The following RYR3 variants were observed in gnomAD, a reference collection of about 807,000 sequenced individuals.
RYR3 encodes brain ryanodine receptor-calcium release channel.
Under a neutral mutation model 584.3 loss-of-function variants are expected in RYR3, and 207 were observed. The ratio of observed to expected loss-of-function variants is 0.35; its 90% CI spans 0.32 to 0.40. The LOEUF is 0.40. Among genes scored for constraint, RYR3 ranks in the 10% least tolerant of loss-of-function variants. RYR3 has a pLI of 1.00. For missense variants in RYR3, 5,616 were observed against 6,089.2 expected (o/e 0.92, Z 2.59); for synonymous variants, 2,416 against 2,248.5 (o/e 1.07, Z -2.11).
At chr15:33,561,721 AAACAAC>A (rs138646386) in intron 10 of RYR3, among the ~76,000 whole-genome samples, 1 of 150,652 alleles carries the variant, frequency 6.6e-6, no homozygotes, top group Non-Finnish European at 1.5e-5. Context: ...GCAAAACACA[AAACAAC>A]AACAACAACA....
intron 99 of RYR3, chr15:33,858,205 C>T (rs538913626): frequency 3.0e-6 from 1 of 328,486 alleles, no homozygotes. Flanking sequence ...AAAGATGAGA[C>T]ATTATTTTAT....
intron 99 of RYR3, among the ~76,000 whole-genome samples, chr15:33,859,336 C>G (rs1014815678): frequency 6.6e-6 from 1 of 152,208 alleles, no homozygotes; most frequent in Admixed American, 6.5e-5. Context: ...TTTAATGGGC[C>G]TAAAAATACC....
chr15:33,570,784 T>C (rs2057984687), intron 12 of RYR3, among the ~76,000 whole-genome samples: 1 of 152,178 alleles, frequency 6.6e-6, no homozygotes. Context: ...GTCTTGCACT[T>C]CTTTTATGAA....
At chr15:33,560,451 A>T (rs1595594038) in intron 10 of RYR3, among the ~76,000 whole-genome samples, 1 of 150,838 alleles carries the variant, frequency 6.6e-6, no homozygotes, top group Non-Finnish European at 1.5e-5. Context: ...AGATCTTTGT[A>T]TTTTTTTTTT....
intron 75 of RYR3, 51 bp downstream of exon 75, chr15:33,817,009 T>G: frequency 9.1e-7 from 1 of 1,101,594 alleles, no homozygotes; most frequent in Non-Finnish European, 1.4e-6. Flanking sequence ...GAATTTGATT[T>G]TCGAATTCAT....
rs1390110043 is a variant in RYR3 at position 33,560,051 on chromosome 15, A to AT, written c.973-2780dup. On this transcript the variant is annotated intron_variant, in intron 10 of 103. Transcript: ENST00000634891. ...GAAAGAGAATGATTGGATTAGCTCT[A>AT]TTTTTTAGAAAGTTTCCATTTCTAG... Among the ~76,000 whole-genome samples, 7 of 152,334 alleles carry AT rather than the reference A, an allele frequency of 4.6e-5. No homozygotes were observed. The East Asian group carries it at 1.2e-3, about 25-fold the overall frequency.
intron 1 of RYR3, among the ~76,000 whole-genome samples, chr15:33,392,201 A>G (rs1223153399): frequency 1.5e-4 from 1 of 6,838 alleles, no homozygotes; most frequent in Non-Finnish European, 2.5e-4. Context: ...TAAGCCCTCA[A>G]AAAAAAAAAA....
At chr15:33,848,826 C>CTTTTTTTTTTTTT (rs769204969) in intron 94 of RYR3, among the ~76,000 whole-genome samples, 1 of 75,252 alleles carries the variant, frequency 1.3e-5, no homozygotes, top group Non-Finnish European at 2.4e-5. Flanking sequence ...CTGAAGTCCT[C>CTTTTTTTTTTTTT]TTTTTTTTTT....
chr15:33,635,097 T>G (rs1258795320), intron 25 of RYR3, among the ~76,000 whole-genome samples: 1 of 152,150 alleles, frequency 6.6e-6, no homozygotes, highest in East Asian at 1.9e-4. Context: ...TAATCACATC[T>G]CCAAATTAAA....
intron 1 of RYR3, among the ~76,000 whole-genome samples, chr15:33,374,371 TG>T (rs2040567593): frequency 7.2e-6 from 1 of 139,024 alleles, no homozygotes; most frequent in Admixed American, 6.8e-5. Flanking sequence ...TGTATGTGTG[TG>T]TGTGTGTGTG....
intron 1 of RYR3, among the ~76,000 whole-genome samples, chr15:33,353,320 C>T (rs1438630333): frequency 6.6e-6 from 1 of 152,096 alleles, no homozygotes; most frequent in Non-Finnish European, 1.5e-5. Flanking sequence ...GGAGAGGTCA[C>T]CCTTGAAGGT....
chr15:33,858,694 G>A (rs902928340), intron 99 of RYR3: 1 of 152,440 alleles, frequency 6.6e-6, no homozygotes, highest in African/African-American at 2.4e-5. Context: ...GTGGGGAGGG[G>A]GAGTCCCGTC....
intron 37 of RYR3, among the ~76,000 whole-genome samples, chr15:33,669,839 T>TGTGG (rs2063710148): frequency 8.7e-5 from 1 of 11,436 alleles, no homozygotes; most frequent in East Asian, 2.0e-3. Context: ...GGGGTGTGTG[T>TGTGG]GTGTGGGGGG....
intron 43 of RYR3, among the ~76,000 whole-genome samples, chr15:33,708,893 A>T (rs1198221521): frequency 6.6e-6 from 1 of 152,060 alleles, no homozygotes; most frequent in Non-Finnish European, 1.5e-5. Flanking sequence ...CACAGGCTAA[A>T]CTAATTCCCA....
At chr15:33,402,299 A>G (rs2042731799) in intron 1 of RYR3, among the ~76,000 whole-genome samples, 1 of 152,212 alleles carries the variant, frequency 6.6e-6, no homozygotes, top group Non-Finnish European at 1.5e-5. Flanking sequence ...CTAACAATTT[A>G]CAGGTTACAG....
rs5811755 is a variant in RYR3, at chr15:33,391,625, C to CA, written c.51+80546dup. On this transcript the variant is annotated intron_variant, in intron 1 of 103. Transcript: ENST00000634891. ...TGGGCGACAGAGCGAGACTCTGTCT[C>CA]AAAAAAAAAAAAAAAAATTAAAATT... Among the ~76,000 whole-genome samples the CA allele has an allele frequency of 5.0e-3, 639 of 128,310 alleles. 3 individuals carry two copies. Among genetic ancestry groups the CA allele is most frequent in the African/African-American group, 0.012 (418 of 33,904 alleles). The allele number at this position is 128,310 out of a possible 152,430, so 84.2% of individuals were successfully genotyped here. A position where few individuals can be genotyped will look rare whatever the true frequency, so the allele number is the denominator to read the frequency against.
chr15:33,676,660 A>G (rs62012575), intron 38 of RYR3, among the ~76,000 whole-genome samples: 2,747 of 152,256 alleles, frequency 0.018, 44 homozygotes, highest in Middle Eastern at 0.041. Flanking sequence ...TTTTTTCCAC[A>G]CAGTCTGATT....
intron 2 of RYR3, among the ~76,000 whole-genome samples, chr15:33,474,980 A>T (rs1380821120): frequency 6.6e-6 from 1 of 152,214 alleles, no homozygotes; most frequent in Admixed American, 6.5e-5. Flanking sequence ...TTATCTTTTT[A>T]AAGATCTTTG....
intron 2 of RYR3, among the ~76,000 whole-genome samples, chr15:33,483,200 T>G (rs761857874): frequency 8.7e-4 from 132 of 152,192 alleles, no homozygotes; most frequent in Non-Finnish European, 1.6e-3. Context: ...ATCTCTCTCT[T>G]CTCCCATTAT....
Sources: allele counts gnomAD v4.1 joint callset (sites outside exome capture counted in the v4.1 genomes callset), GRCh38; gene constraint gnomAD v4.1.1; transcripts MANE v1.5; gene names NCBI Gene and HGNC (gene_info 2026-07-23, HGNC 2026-07-21).